Variants in XKR5 observed in about 807,000 individuals in gnomAD.
XKR5 encodes the protein XK-related protein 5.
XKR5 carries 46 observed loss-of-function variants against 40.8 expected under a neutral mutation model. That is an observed-to-expected ratio of 1.13 (90% confidence interval 0.89 to 1.44). XKR5 has a LOEUF of 1.44. XKR5 is among the 40% of genes most tolerant of loss of function. The pLI is 0.00. For missense variants in XKR5, 1,169 were observed against 844.7 expected (o/e 1.38, Z -4.76); for synonymous variants, 466 against 356.1 (o/e 1.31, Z -3.48).
At chr8:6,826,388 G>T (rs1180009894) in intron 2 of XKR5, among the ~76,000 whole-genome samples, 3 of 152,034 alleles carry the variant, frequency 2.0e-5, no homozygotes, top group African/African-American at 7.3e-5. Flanking sequence ...GGAACATCAG[G>T]AGGAAACAGA....
At position 6,825,145 on chromosome 8, in the gene XKR5, C is replaced by A. The variant is rs756925770; in HGVS notation, c.427+20G>T. ...CTTCGGCAGTCAGACAGTCTGTGCTCTGTGGTGACAGTTACTCACCTGGCA... is the reference window on the plus strand; with the variant it reads ...CTTCGGCAGTCAGACAGTCTGTGCTATGTGGTGACAGTTACTCACCTGGCA... On this transcript the variant is annotated intron_variant, in intron 3 of 6. Transcript: ENST00000618742. 5.0e-6 allele frequency: 8 copies of A among 1,612,862 alleles called. No homozygotes were observed. The highest frequency in any genetic ancestry group is 1.7e-5 in the Admixed American group (1 of 59,840).
rs1205871877 is a variant in XKR5, at chr8:6,810,897, G to T, written c.*301C>A. Reference sequence around the variant, plus strand: ...TGTTTCCTAGAAGCCACAGCAAAAAGATAAAATAAGGGAACCTACAGCTCA... The same window carrying T: ...TGTTTCCTAGAAGCCACAGCAAAAATATAAAATAAGGGAACCTACAGCTCA... On this transcript the variant is annotated 3_prime_UTR_variant, in exon 7 of 7. Transcript: ENST00000618742. 1 of 240,876 alleles carries T rather than the reference G, an allele frequency of 4.2e-6. No homozygotes were observed. The highest frequency in any genetic ancestry group is 7.9e-6 in the Non-Finnish European group (1 of 125,792). The allele number at this position is 240,876 out of a possible 1,614,324, so 14.9% of individuals were successfully genotyped here. A position where few individuals can be genotyped will look rare whatever the true frequency, so the allele number is the denominator to read the frequency against.
intron 5 of XKR5, among the ~76,000 whole-genome samples, chr8:6,819,194 C>A (rs968301122): frequency 5.9e-5 from 9 of 152,246 alleles, no homozygotes; most frequent in African/African-American, 2.2e-4. Context: ...GGCTTCCAGA[C>A]AGGAATTGCA....
At position 6,811,505 on chromosome 8, in the gene XKR5, G is replaced by C. The variant is rs772624365; in HGVS notation, c.1754C>G (p.Pro585Arg). The C allele has an allele frequency of 6.5e-7, 1 of 1,529,846 alleles. No homozygotes were observed. The highest frequency in any genetic ancestry group is 1.4e-5 in the African/African-American group (1 of 73,082). 94.8% of individuals were successfully genotyped at this position (1,529,846 alleles called of 1,614,324 possible). A position where few individuals can be genotyped will look rare whatever the true frequency, so the allele number is the denominator to read the frequency against. ...SSPAQPASPHPVGLAPFPDTM... is the reference protein window; with the variant it reads ...SSPAQPASPHRVGLAPFPDTM... ...GTCGGGGAAGGGCGCCAAGCCCACT[G>C]GGTGGGGCGATGCAGGCTGGGCAGG... The change falls in exon 7 of 7, where the codon CCA becomes CGA. Residue 585 changes from proline to arginine, a missense_variant. Physicochemically the swap from Pro to Arg is moderately radical, Grantham distance 103. Coordinates refer to ENST00000618742, the MANE Select transcript of XKR5 (RefSeq NM_207411.5).
intron 4 of XKR5, among the ~76,000 whole-genome samples, chr8:6,823,107 C>T (rs1227361216): frequency 6.6e-6 from 1 of 152,180 alleles, no homozygotes; most frequent in Non-Finnish European, 1.5e-5. Context: ...GGCAGAGTAT[C>T]TCCCAAGACA....
Position 6,810,310 on chromosome 8 carries a change from T to C in XKR5, c.*888A>G, listed in dbSNP as rs1268776036. ...GTGGAGGAGTCAGAGAGAAGGAGAG[T>C]GCGAGAGGAATGGACGTTTCCTCCC... On this transcript the variant is annotated 3_prime_UTR_variant, in exon 7 of 7. Coordinates refer to ENST00000618742, the MANE Select transcript of XKR5 (RefSeq NM_207411.5). The C allele has an allele frequency of 1.3e-5, 2 of 151,512 alleles. No homozygotes were observed. Among genetic ancestry groups the C allele is most frequent in the Non-Finnish European group, 2.9e-5 (2 of 67,862 alleles). 9.4% of individuals were successfully genotyped at this position (151,512 alleles called of 1,614,324 possible).
chr8:6,831,216 G>C (rs984692275), intron 2 of XKR5, among the ~76,000 whole-genome samples: 1 of 152,306 alleles, frequency 6.6e-6, no homozygotes, highest in Middle Eastern at 3.4e-3. Flanking sequence ...GACAATGGCA[G>C]CTAGGGCACA....
chr8:6,833,990 C>G (rs1161193333), intron 1 of XKR5, among the ~76,000 whole-genome samples: 1 of 152,190 alleles, frequency 6.6e-6, no homozygotes, highest in East Asian at 1.9e-4. Context: ...AATGTGCACT[C>G]CGCAGTCAGT....
chr8:6,823,943 G>A (rs1383672328), intron 3 of XKR5, among the ~76,000 whole-genome samples: 1 of 152,160 alleles, frequency 6.6e-6, no homozygotes, highest in East Asian at 1.9e-4. Context: ...GAAGAAATGG[G>A]GATATGCAGG....
intron 2 of XKR5, among the ~76,000 whole-genome samples, chr8:6,825,725 C>G (rs138108479): frequency 1.3e-5 from 2 of 152,092 alleles, no homozygotes; most frequent in Admixed American, 1.3e-4. Context: ...ATTCATTTAT[C>G]GACAGATGTC....
At position 6,822,160 on chromosome 8, in the gene XKR5, A is replaced by T. The variant is rs374758533; in HGVS notation, c.638-122T>A. 1.6e-4 allele frequency: 154 copies of T among 956,844 alleles called. No individual in the cohort carries two copies. In the African/African-American group the frequency reaches 2.3e-3, roughly 14 times the overall value. The allele number at this position is 956,844 out of a possible 1,614,324, so 59.3% of individuals were successfully genotyped here. A position where few individuals can be genotyped will look rare whatever the true frequency, so the allele number is the denominator to read the frequency against. On this transcript the variant is annotated intron_variant, in intron 4 of 6. Coordinates refer to ENST00000618742, the MANE Select transcript of XKR5 (RefSeq NM_207411.5). Reference sequence around the variant, plus strand: ...CATTTGACTCAGCATCCAAGAAGAGATATCAAAACCCAGAAGAGATTTGAG... The same window carrying T: ...CATTTGACTCAGCATCCAAGAAGAGTTATCAAAACCCAGAAGAGATTTGAG...
At chr8:6,827,455 C>T (rs897460975) in intron 2 of XKR5, among the ~76,000 whole-genome samples, 9 of 152,156 alleles carry the variant, frequency 5.9e-5, no homozygotes, top group Non-Finnish European at 8.8e-5. Context: ...ATGTCCAGAG[C>T]AGAAGATTCG....
intron 5 of XKR5, among the ~76,000 whole-genome samples, chr8:6,820,241 C>T (rs780431625): frequency 5.3e-5 from 8 of 152,250 alleles, no homozygotes; most frequent in Non-Finnish European, 1.2e-4. Flanking sequence ...GGTCTGTGCA[C>T]AGCGAGAGAG....
Position 6,811,233 on chromosome 8 carries a change from C to A in XKR5, c.2026G>T (p.Glu676Ter). 2.0e-6 allele frequency: 3 copies of A among 1,537,236 alleles called. No individual in the cohort carries two copies. The highest frequency in any genetic ancestry group is 2.6e-6 in the Non-Finnish European group (3 of 1,146,900). ...ESIQTDCSCREQMKQEPSFFI is the reference protein window; with the variant it reads ...ESIQTDCSCR ...AAACTCGGCTCTTGCTTCATCTGTT[C>A]CCTGCAGCTGCAGTCCGTTTGGATA... The change falls in exon 7 of 7, where the codon GAA (glutamate) becomes TAA (stop). Residue 676 changes from glutamate to a stop codon, truncating the protein, a stop_gained. Coordinates refer to ENST00000618742, the MANE Select transcript of XKR5 (RefSeq NM_207411.5). LOFTEE classifies it low-confidence loss of function (END_TRUNC).
intron 6 of XKR5, among the ~76,000 whole-genome samples, chr8:6,813,060 T>C (rs1303070963): frequency 6.6e-6 from 1 of 152,228 alleles, no homozygotes; most frequent in African/African-American, 2.4e-5. Flanking sequence ...GTGCTCATTA[T>C]AAACAGCACA....
intron 2 of XKR5, among the ~76,000 whole-genome samples, chr8:6,829,973 G>A (rs937357424): frequency 3.3e-5 from 5 of 151,558 alleles, no homozygotes; most frequent in Non-Finnish European, 7.4e-5. Context: ...AAGTAGCTGG[G>A]ACTACAGGCG....
intron 2 of XKR5, among the ~76,000 whole-genome samples, chr8:6,828,559 G>A (rs1479401904): frequency 6.6e-6 from 1 of 152,210 alleles, no homozygotes; most frequent in African/African-American, 2.4e-5. Context: ...GGGAAGCCGG[G>A]GAGGAAGCTG....
intron 1 of XKR5, among the ~76,000 whole-genome samples, chr8:6,834,493 T>G (rs151200423): frequency 0.026 from 4,027 of 152,268 alleles, 185 homozygotes; most frequent in African/African-American, 0.09. Context: ...GGAGGACACC[T>G]GGGGTGGGTG....
intron 5 of XKR5, among the ~76,000 whole-genome samples, chr8:6,816,287 G>C (rs188387295): frequency 1.3e-5 from 2 of 152,294 alleles, no homozygotes; most frequent in Non-Finnish European, 2.9e-5. Flanking sequence ...GCACTCATTA[G>C]TGTTAAAATG....
Sources: gnomAD v4.1 joint callset for allele counts (sites outside exome capture counted in the v4.1 genomes callset) on GRCh38, gnomAD v4.1.1 for gene constraint, MANE v1.5 for transcripts, NCBI Gene and HGNC (gene_info 2026-07-23, HGNC 2026-07-21) for gene names.